CHD7: variants seen among roughly 807,000 people sequenced by gnomAD.
CHD7 encodes the protein chromodomain helicase DNA binding protein 7.
A neutral mutation model predicts 307.3 loss-of-function variants in CHD7; 24 were observed. The ratio of observed to expected loss-of-function variants is 0.08; its 90% CI spans 0.06 to 0.11. The LOEUF (loss-of-function observed/expected upper bound fraction) is 0.11, where lower values mean the gene tolerates loss of function less well. Ranked by LOEUF, CHD7 falls within the 10% of genes least tolerant of loss-of-function variation. The pLI is 1.00. For missense variants in CHD7, 3,106 were observed against 3,727.1 expected, an observed-to-expected ratio of 0.83 and a Z score of 4.34; for synonymous variants, 1,363 against 1,349.9, an observed-to-expected ratio of 1.01 and a Z score of -0.21.
At chr8:60,712,533 C>T (rs1386767799) in intron 1 of CHD7, among the ~76,000 whole-genome samples, 1 of 152,190 alleles carries the variant, frequency 6.6e-6, no homozygotes, top group Non-Finnish European at 1.5e-5. Flanking sequence ...TATTCACATT[C>T]TCACTGGTGT....
intron 4 of CHD7, among the ~76,000 whole-genome samples, chr8:60,796,202 T>C (rs2150700323): frequency 6.6e-6 from 1 of 152,362 alleles, no homozygotes; most frequent in East Asian, 1.9e-4. Flanking sequence ...TTCGGTTTGG[T>C]TGTGTAACTA....
intron 2 of CHD7, among the ~76,000 whole-genome samples, chr8:60,759,046 A>G (rs1484510043): frequency 6.6e-6 from 1 of 152,184 alleles, no homozygotes; most frequent in Non-Finnish European, 1.5e-5. Context: ...GTCTTAGTAT[A>G]TTATGAAAAA....
At chr8:60,801,023 A>G (rs1054082261) in intron 5 of CHD7, among the ~76,000 whole-genome samples, 1 of 152,240 alleles carries the variant, frequency 6.6e-6, no homozygotes, top group Admixed American at 6.5e-5. Flanking sequence ...TATTGTAAAG[A>G]TCTTTTCTAA....
chr8:60,783,672 G>T (rs13255052), intron 3 of CHD7, among the ~76,000 whole-genome samples: 36,694 of 152,056 alleles, frequency 0.24, 7,527 homozygotes, highest in African/African-American at 0.56. Flanking sequence ...TACCCTAAGT[G>T]GTGTGAAAAT....
chr8:60,859,998 T>C (rs1167508278), intron 34 of CHD7, among the ~76,000 whole-genome samples: 1 of 151,524 alleles, frequency 6.6e-6, no homozygotes, highest in Non-Finnish European at 1.5e-5. Context: ...TTAGGAATAT[T>C]GCAATAACCT....
In CHD7 at chr8:60,678,877, C is replaced by G. The variant is rs113958504; in HGVS notation, c.-380C>G. ...GGGAACTATCGGATTAAACTTGAAT[C>G]GAGTGAAATTACACAAAGGAGCGCC... On this transcript the variant is annotated 5_prime_UTR_variant, in exon 1 of 38. It adds an upstream start codon to the 5' untranslated region. Coordinates refer to ENST00000423902, the MANE Select transcript of CHD7 (RefSeq NM_017780.4). 6.6e-6 allele frequency: 1 copy of G among 150,648 alleles called. No homozygotes were observed. Among genetic ancestry groups the G allele is most frequent in the Admixed American group, 6.6e-5 (1 of 15,112 alleles). 9.3% of individuals were successfully genotyped at this position (150,648 alleles called of 1,614,324 possible). A position where few individuals can be genotyped will look rare whatever the true frequency, so the allele number is the denominator to read the frequency against.
chr8:60,843,705 G>C (rs1805071698), intron 21 of CHD7, among the ~76,000 whole-genome samples: 1 of 152,208 alleles, frequency 6.6e-6, no homozygotes, highest in African/African-American at 2.4e-5. Context: ...CCCACTTCTG[G>C]GGTTAGGAGG....
chr8:60,751,555 A>G (rs1809642636), intron 2 of CHD7, among the ~76,000 whole-genome samples: 1 of 152,264 alleles, frequency 6.6e-6, no homozygotes, highest in Non-Finnish European at 1.5e-5. Context: ...ATCCTTAAGT[A>G]GCCATGCAGA....
intron 1 of CHD7, among the ~76,000 whole-genome samples, chr8:60,729,867 CTACT>C (rs1453246079): frequency 2.0e-5 from 3 of 152,264 alleles, no homozygotes; most frequent in East Asian, 3.9e-4. Context: ...AAATTTATGA[CTACT>C]TAAAGTGTGA....
In CHD7 at chr8:60,842,065, C is replaced by T. The variant is rs1311582288; in HGVS notation, c.4850+13C>T. The T allele has an allele frequency of 4.4e-5, 70 of 1,597,030 alleles. No homozygotes were observed. The highest frequency in any genetic ancestry group is 6.0e-5 in the Non-Finnish European group (70 of 1,167,554). On this transcript the variant is annotated intron_variant, in intron 21 of 37. Coordinates refer to ENST00000423902, the MANE Select transcript of CHD7 (RefSeq NM_017780.4). Reference sequence around the variant, plus strand: ...TGCTTGTCTATGGGTAAGTAGGACTCACTACGTAAGATAGAATTTTATTGT... The same window carrying T: ...TGCTTGTCTATGGGTAAGTAGGACTTACTACGTAAGATAGAATTTTATTGT...
intron 1 of CHD7, among the ~76,000 whole-genome samples, chr8:60,681,316 G>T (rs1805617310): frequency 6.6e-6 from 1 of 152,206 alleles, no homozygotes; most frequent in Non-Finnish European, 1.5e-5. Flanking sequence ...GAGTACATCT[G>T]TCGCGCAGTG....
Position 60,862,461 on chromosome 8 carries a change from G to A in CHD7, c.7972-87G>A, listed in dbSNP as rs145480197. 6 of 1,465,210 alleles carry A rather than the reference G, an allele frequency of 4.1e-6. No individual in the cohort carries two copies. The African/African-American group carries it at 7.0e-5, about 17-fold the overall frequency. 90.8% of individuals were successfully genotyped at this position (1,465,210 alleles called of 1,614,324 possible). A position where few individuals can be genotyped will look rare whatever the true frequency, so the allele number is the denominator to read the frequency against. On this transcript the variant is annotated intron_variant, in intron 36 of 37. Transcript: ENST00000423902. ...CCCGAATGCGTGTGTGCGTGTATGT[G>A]TGTATTATAGAAGGGGGAGGGAGTA...
chr8:60,809,024 A>G (rs1345292161), intron 7 of CHD7: 2 of 152,216 alleles, frequency 1.3e-5, no homozygotes, highest in Non-Finnish European at 2.9e-5. Flanking sequence ...CTAAACCACC[A>G]TATTAATACA....
At chr8:60,721,346 A>T (rs993929444) in intron 1 of CHD7, among the ~76,000 whole-genome samples, 8 of 152,214 alleles carry the variant, frequency 5.3e-5, no homozygotes, top group Non-Finnish European at 7.3e-5. Flanking sequence ...GTGTGCACAC[A>T]GTGAGATGGT....
intron 16 of CHD7, among the ~76,000 whole-genome samples, chr8:60,836,606 G>A (rs141160575): frequency 1.2e-4 from 18 of 152,112 alleles, no homozygotes; most frequent in Admixed American, 1.1e-3. Context: ...CTATTTCCCT[G>A]GAGAGGAAGT....
chr8:60,862,361 T>C (rs1806036250), intron 36 of CHD7, 25 bp downstream of exon 36: 2 of 1,588,282 alleles, frequency 1.3e-6, no homozygotes, highest in Non-Finnish European at 1.7e-6. Context: ...AGGGAATTGA[T>C]CACTATGCGA....
chr8:60,820,790 A>T (rs1325845470), intron 9 of CHD7, among the ~76,000 whole-genome samples: 2 of 152,092 alleles, frequency 1.3e-5, no homozygotes, highest in African/African-American at 4.8e-5. Flanking sequence ...TTTTCTTCCA[A>T]ACTCTGTGTC....
At position 60,742,633 on chromosome 8, in the gene CHD7, G is replaced by A. The variant is rs1809104140; in HGVS notation, c.1201G>A (p.Ala401Thr). Residue 401 changes from alanine to threonine, a missense_variant, in exon 2 of 38, where the codon GCA becomes ACA. By Grantham distance (58) the Ala-to-Thr change is moderately conservative. Around this residue, in one of 10 missense-constraint regions of CHD7, gnomAD observed 998 missense variants for 1,004.5 expected, o/e 0.99. Coordinates refer to ENST00000423902, the MANE Select transcript of CHD7 (RefSeq NM_017780.4). ...TCCACCTCCCATGTCACCCATGAAA[G>A]CAATGAGTAATCCAGCAGGCACTCC... ...ASPPPMSPMK[A>T]MSNPAGTPPP... The A allele has an allele frequency of 6.2e-7, 1 of 1,612,134 alleles. No individual in the cohort carries two copies. The highest frequency in any genetic ancestry group is 8.5e-7 in the Non-Finnish European group (1 of 1,178,594).
Position 60,822,494 on chromosome 8 carries a change from C to T in CHD7, c.2958-9C>T, listed in dbSNP as rs1377423251. On this transcript the variant is annotated splice_polypyrimidine_tract_variant and intron_variant, in intron 11 of 37. Coordinates refer to ENST00000423902, the MANE Select transcript of CHD7 (RefSeq NM_017780.4). ...CATTAAACTTTTGTACTTCATTTTC[C>T]TCCTAAAGGCGAAACTGCATTTTAG... 1 of 1,611,616 alleles carries T rather than the reference C, an allele frequency of 6.2e-7. No homozygotes were observed. Among genetic ancestry groups the T allele is most frequent in the Non-Finnish European group, 8.5e-7 (1 of 1,178,292 alleles).
Sources: gnomAD v4.1 joint callset for allele counts (sites outside exome capture counted in the v4.1 genomes callset) on GRCh38, gnomAD v4.1.1 for gene constraint, gnomAD v4.1.1 regional missense constraint, MANE v1.5 for transcripts, NCBI Gene and HGNC (gene_info 2026-07-23, HGNC 2026-07-21) for gene names.